The following ADAMTS10 variants were observed in gnomAD, a reference collection of about 807,000 sequenced individuals.
The protein encoded by ADAMTS10 is A disintegrin and metalloproteinase with thrombospondin motifs 10.
In ADAMTS10, 48 loss-of-function variants were observed where a neutral mutation model predicts 135.9. The observed-to-expected ratio is 0.35, with a 90% CI of 0.28 to 0.45. The LOEUF (loss-of-function observed/expected upper bound fraction) is 0.45, where lower values mean the gene tolerates loss of function less well. Among genes scored for constraint, ADAMTS10 ranks in the 20% least tolerant of loss-of-function variants. The pLI, the probability that ADAMTS10 is intolerant of heterozygous loss-of-function variation, is 1.00. For missense variants in ADAMTS10, 1,131 were observed against 1,565.2 expected, an observed-to-expected ratio of 0.72 and a Z score of 4.68; for synonymous variants, 621 against 647.5, an observed-to-expected ratio of 0.96 and a Z score of 0.62.
intron 1 of ADAMTS10, among the ~76,000 whole-genome samples, chr19:8,610,341 AACAC>A (rs35118932): frequency 0.57 from 85,188 of 150,292 alleles, 24,757 homozygotes; most frequent in Middle Eastern, 0.71. Context: ...ACACTGTCCA[AACAC>A]ACAGACACAC....
chr19:8,605,446 C>T lies in ADAMTS10; in HGVS notation c.89-88G>A. ...TGTTAGGCTGCTGGAGCAAGTGATG[C>T]TGGCCTCACTGACCCCCGAAATCCA... On this transcript the variant is annotated intron_variant, in intron 3 of 25. Transcript: ENST00000597188. The surrounding 1 kb of genome is among the most constrained non-coding windows in gnomAD (Gnocchi z 7.7). 2 of 1,478,296 alleles carry T rather than the reference C, an allele frequency of 1.4e-6. No homozygotes were observed. The highest frequency in any genetic ancestry group is 9.2e-7 in the Non-Finnish European group (1 of 1,086,882). The allele number at this position is 1,478,296 out of a possible 1,614,324, so 91.6% of individuals were successfully genotyped here.
At chr19:8,600,828 G>C (rs530763733) in intron 6 of ADAMTS10, 100 bp downstream of exon 6, 170 of 1,442,946 alleles carry the variant, frequency 1.2e-4, no homozygotes, top group Non-Finnish European at 1.6e-4. Context: ...CTGTCCCCAC[G>C]TCAGGGATTG....
chr19:8,591,935 G>A, intron 14 of ADAMTS10, 23 bp downstream of exon 14: 1 of 1,611,668 alleles, frequency 6.2e-7, no homozygotes, highest in African/African-American at 1.3e-5. Flanking sequence ...CTGCCCTCCC[G>A]GGTGGGGGTC....
rs1411595922 is a variant in ADAMTS10, at chr19:8,589,342, C to T, written c.2058G>A (p.Leu686=). 5.6e-6 allele frequency: 9 copies of T among 1,612,316 alleles called. No homozygotes were observed. The African/African-American group carries it at 1.2e-4, about 22-fold the overall frequency. Reference sequence around the variant, plus strand: ...ACTTGTCCTCCCGCAGGTCGGAGCCCAGGACTCGGTCGCAGCCCACGTGCT... The same window carrying T: ...ACTTGTCCTCCCGCAGGTCGGAGCCTAGGACTCGGTCGCAGCCCACGTGCT... ...ECKHVGCDRV[L]GSDLREDKCR... The change falls in exon 18 of 26, where the codon CTG becomes CTA. Residue 686 remains leucine (L), a synonymous_variant. Transcript: ENST00000597188.
At position 8,580,747 on chromosome 19, in the gene ADAMTS10, C is replaced by T. The variant is rs910156203; in HGVS notation, c.*146G>A. 278 of 657,930 alleles carry T rather than the reference C, an allele frequency of 4.2e-4. 5 individuals carry two copies. The highest frequency in any genetic ancestry group is 9.9e-5 in the Admixed American group (4 of 40,416). The allele number at this position is 657,930 out of a possible 1,614,324, so 40.8% of individuals were successfully genotyped here. On this transcript the variant is annotated 3_prime_UTR_variant, in exon 26 of 26. Transcript: ENST00000597188. ...CCCTCTCCATCCCCCCAGCCAGGGC[C>T]CTGCAGGGGTTCCCAATAAATAACT... is the stretch of plus-strand genomic sequence containing the variant.
chr19:8,581,821 C>G (rs1487290728), intron 25 of ADAMTS10, among the ~76,000 whole-genome samples: 1 of 147,772 alleles, frequency 6.8e-6, no homozygotes, highest in African/African-American at 2.5e-5. Flanking sequence ...GGAGACAGAG[C>G]GAGACTCTGT....
At chr19:8,604,440 C>T (rs754843151) in intron 4 of ADAMTS10, among the ~76,000 whole-genome samples, 3 of 146,594 alleles carry the variant, frequency 2.0e-5, no homozygotes, top group Non-Finnish European at 4.5e-5. Flanking sequence ...TACACATACA[C>T]ATATATAATT....
At position 8,600,919 on chromosome 19, in the gene ADAMTS10, G is replaced by A. The variant is rs372825162; in HGVS notation, c.810+9C>T. On this transcript the variant is annotated intron_variant, in intron 6 of 25. Coordinates refer to ENST00000597188, the MANE Select transcript of ADAMTS10 (RefSeq NM_030957.4). ...AGGGCTGCGTGCCCAGGGAGGGGAA[G>A]GCACTTACAATGTTCATGATGGCCA... The A allele has an allele frequency of 1.2e-6, 2 of 1,613,930 alleles. No individual in the cohort carries two copies. The highest frequency in any genetic ancestry group is 1.7e-5 in the Admixed American group (1 of 60,002).
chr19:8,592,654 A>G, intron 13 of ADAMTS10, 109 bp downstream of exon 13: 1 of 1,137,446 alleles, frequency 8.8e-7, no homozygotes, highest in Non-Finnish European at 1.3e-6. Context: ...GGGCGTGGCC[A>G]ATGTGGGAGG....
At chr19:8,595,698 T>TGCCG in intron 12 of ADAMTS10, 64 bp downstream of exon 12, 127 of 1,291,928 alleles carry the variant, frequency 9.8e-5, no homozygotes, top group Non-Finnish European at 1.2e-4. Context: ...CTGGTGGAGT[T>TGCCG]CCCTCCCCCA....
At chr19:8,590,478 G>T (rs2042508427) in intron 15 of ADAMTS10, among the ~76,000 whole-genome samples, 1 of 150,880 alleles carries the variant, frequency 6.6e-6, no homozygotes, top group South Asian at 2.1e-4. Flanking sequence ...TTTATTTTTA[G>T]ACAGAGTTTC....
At position 8,586,612 on chromosome 19, in the gene ADAMTS10, G is replaced by T. The variant is rs1166516836; in HGVS notation, c.2349C>A (p.Asp783Glu). ...GTTFQLRQGP[D>E]QVQSLEALGP... ...CCAGGGCTTCGAGGCTCTGGACCTGGTCTGGCCCCTGTCGCAGTTGAAAGG... is the reference window on the plus strand; with the variant it reads ...CCAGGGCTTCGAGGCTCTGGACCTGTTCTGGCCCCTGTCGCAGTTGAAAGG... Residue 783 changes from aspartate to glutamate, a missense_variant, in exon 20 of 26, where the codon GAC (aspartate) becomes GAA (glutamate). By Grantham distance (45) the Asp-to-Glu change is conservative. This residue lies in a region of ADAMTS10 where 745 missense variants were observed against 1,056.3 expected (regional missense o/e 0.71). Coordinates refer to ENST00000597188, the MANE Select transcript of ADAMTS10 (RefSeq NM_030957.4). 4 of 1,613,950 alleles carry T rather than the reference G, an allele frequency of 2.5e-6. No individual in the cohort carries two copies. The African/African-American group carries it at 5.3e-5, about 22-fold the overall frequency.
chr19:8,588,632 A>C (rs2042472429), intron 18 of ADAMTS10, among the ~76,000 whole-genome samples: 2 of 152,082 alleles, frequency 1.3e-5, no homozygotes, highest in South Asian at 4.1e-4. Context: ...CATTCTCTGA[A>C]TATCCCCTCC....
At chr19:8,603,925 GT>G in intron 4 of ADAMTS10, 41 bp from the exon 5 acceptor site, 1 of 1,567,802 alleles carries the variant, frequency 6.4e-7, no homozygotes, top group Non-Finnish European at 8.7e-7. Context: ...TCAGGATCAG[GT>G]TCTGGAGCTT....
chr19:8,603,645 G>T, intron 5 of ADAMTS10, 83 bp downstream of exon 5: 1 of 1,584,954 alleles, frequency 6.3e-7, no homozygotes, highest in South Asian at 1.1e-5. Context: ...ACTGCCTGCT[G>T]ACTTTCTGGA....
At position 8,586,611 on chromosome 19, in the gene ADAMTS10, G is replaced by T; in HGVS notation, c.2350C>A (p.Gln784Lys). ...TTFQLRQGPD[Q>K]VQSLEALGPI... ...CCCAGGGCTTCGAGGCTCTGGACCTGGTCTGGCCCCTGTCGCAGTTGAAAG... is the reference window on the plus strand; with the variant it reads ...CCCAGGGCTTCGAGGCTCTGGACCTTGTCTGGCCCCTGTCGCAGTTGAAAG... Residue 784 changes from glutamine (Q) to lysine (K), a missense_variant, in exon 20 of 26, where the codon CAG becomes AAG. Gln to Lys is a moderately conservative substitution (Grantham distance 53, BLOSUM62 1). Around this residue, in one of 3 missense-constraint regions of ADAMTS10, gnomAD observed 745 missense variants for 1,056.3 expected, o/e 0.71. Transcript: ENST00000597188. 6.2e-7 allele frequency: 1 copy of T among 1,614,074 alleles called. No homozygotes were observed. The highest frequency in any genetic ancestry group is 8.5e-7 in the Non-Finnish European group (1 of 1,180,018).
chr19:8,595,702 TCC>T, intron 12 of ADAMTS10, 58 bp downstream of exon 12: 1 of 894,226 alleles, frequency 1.1e-6, no homozygotes. Flanking sequence ...TGGAGTTCCC[TCC>T]CCCAGCCCCA....
At chr19:8,591,716 A>G in intron 15 of ADAMTS10, 84 bp downstream of exon 15, 1 of 1,531,522 alleles carries the variant, frequency 6.5e-7, no homozygotes, top group Non-Finnish European at 9.0e-7. Context: ...TTGGGATTAC[A>G]GGCGTGAGCC....
At chr19:8,606,777 G>A (rs4294931) in intron 2 of ADAMTS10, among the ~76,000 whole-genome samples, 63,782 of 151,950 alleles carry the variant, frequency 0.42, 13,792 homozygotes, top group Non-Finnish European at 0.48. Flanking sequence ...GAGGGTGGAC[G>A]GGGGCATGAC....
Sources: allele counts gnomAD v4.1 joint callset (sites outside exome capture counted in the v4.1 genomes callset), GRCh38; gene constraint gnomAD v4.1.1; regional missense constraint gnomAD v4.1.1; non-coding constraint Gnocchi (gnomAD v3.1); transcripts MANE v1.5; gene names NCBI Gene and HGNC (gene_info 2026-07-23, HGNC 2026-07-21).